FKBP9: variants seen among roughly 807,000 people sequenced by gnomAD.
FKBP9 encodes peptidyl-prolyl cis-trans isomerase FKBP9.
FKBP9 carries 27 observed loss-of-function variants against 55.6 expected under a neutral mutation model. The ratio of observed to expected loss-of-function variants is 0.49; its 90% confidence interval spans 0.36 to 0.67. The LOEUF is 0.67. Ranked by LOEUF, FKBP9 falls within the 30% of genes least tolerant of loss-of-function variation. The pLI, the probability that FKBP9 is intolerant of heterozygous loss-of-function variation, is 0.00. For missense variants in FKBP9, 539 were observed against 742.8 expected (o/e 0.73, Z 3.19); for synonymous variants, 267 against 296.5 (o/e 0.90, Z 1.02).
rs1784451804 is a variant in FKBP9 at position 32,980,424 on chromosome 7, A to T, written c.764A>T (p.Asn255Ile). 8 of 1,613,532 alleles carry T rather than the reference A, an allele frequency of 5.0e-6. No individual in the cohort carries two copies. Among genetic ancestry groups the T allele is most frequent in the Non-Finnish European group, 6.8e-6 (8 of 1,179,824 alleles). Reference sequence around the variant, plus strand: ...GATGTTGCATTATTGGACCTCCATAACCCCAAGGACAGCATTTCCATTGAG... The same window carrying T: ...GATGTTGCATTATTGGACCTCCATATCCCCAAGGACAGCATTTCCATTGAG... ...VFDVALLDLH[N>I]PKDSISIENK... Residue 255 changes from asparagine (N) to isoleucine (I), a missense_variant, in exon 5 of 10, where the codon AAC becomes ATC. Asn to Ile is a moderately radical substitution (Grantham distance 149, BLOSUM62 -3). Transcript: ENST00000242209.
chr7:32,975,158 C>T (rs3750113), intron 2 of FKBP9, 24 bp from the exon 3 acceptor site: 34,669 of 1,599,574 alleles, frequency 0.022, 1,669 homozygotes, highest in East Asian at 0.19. Context: ...ACTGTGAACT[C>T]AGTGTGTAAT....
rs1189526416 is a variant in FKBP9 at position 32,980,351 on chromosome 7, C to T, written c.704-13C>T. On this transcript the variant is annotated splice_polypyrimidine_tract_variant and intron_variant, in intron 4 of 9. Transcript: ENST00000242209. ...TGTGTCCCGTTTAATCATCTTCTCC[C>T]ATTCCATTCTAGGGAAAGACATTCC... 6.2e-7 allele frequency: 1 copy of T among 1,602,490 alleles called. No individual in the cohort carries two copies. The highest frequency in any genetic ancestry group is 1.1e-5 in the South Asian group (1 of 90,398).
At chr7:32,994,602 CCT>C (rs1359959706) in intron 6 of FKBP9, among the ~76,000 whole-genome samples, 3 of 151,556 alleles carry the variant, frequency 2.0e-5, no homozygotes, top group Non-Finnish European at 4.4e-5. Context: ...ACCAGCAGCC[CCT>C]GTTTTGAGTG....
intron 4 of FKBP9, among the ~76,000 whole-genome samples, chr7:32,977,394 C>A (rs1784380485): frequency 6.6e-6 from 1 of 152,204 alleles, no homozygotes; most frequent in Non-Finnish European, 1.5e-5. Context: ...CTACATCCTG[C>A]TGCACACTTA....
Position 32,996,280 on chromosome 7 carries a change from G to A in FKBP9, c.1157G>A (p.Ser386Asn). The A allele has an allele frequency of 1.2e-6, 2 of 1,614,098 alleles. No homozygotes were observed. Among genetic ancestry groups the A allele is most frequent in the African/African-American group, 1.3e-5 (1 of 75,044 alleles). Residue 386 changes from serine (S) to asparagine (N), a missense_variant, in exon 7 of 10, where the codon AGT becomes AAT. Ser to Asn is a conservative substitution (Grantham distance 46, BLOSUM62 1). This residue lies in a region of FKBP9 where 172 missense variants were observed against 205.3 expected (regional missense o/e 0.84). Coordinates refer to ENST00000242209, the MANE Select transcript of FKBP9 (RefSeq NM_007270.5). Reference protein sequence around the residue: ...HYKPPDCSVLSKKGDYLKYHY... With the variant: ...HYKPPDCSVLNKKGDYLKYHY... ...AAACCCCCTGACTGCTCAGTGCTGA[G>A]TAAGAAGGGAGATTACCTCAAATAT...
chr7:32,979,528 C>A (rs780403469), intron 4 of FKBP9: 10 of 1,550,428 alleles, frequency 6.4e-6, no homozygotes, highest in South Asian at 1.2e-5. Flanking sequence ...TCAGGCTTGG[C>A]GGCATCTGGT....
chr7:32,972,539 T>A (rs1164692510), intron 1 of FKBP9, among the ~76,000 whole-genome samples: 2 of 152,230 alleles, frequency 1.3e-5, no homozygotes, highest in Non-Finnish European at 2.9e-5. Flanking sequence ...TTTTATTACA[T>A]AATTAATTAC....
intron 1 of FKBP9, among the ~76,000 whole-genome samples, chr7:32,961,189 G>T (rs1198602471): frequency 1.6e-4 from 24 of 152,184 alleles, no homozygotes; most frequent in African/African-American, 5.3e-4. Context: ...GTATGGCAGG[G>T]ATAAGACCCA....
chr7:32,961,865 G>A lies in FKBP9; in HGVS notation c.221+4071G>A, dbSNP rs983836308. On this transcript the variant is annotated intron_variant, in intron 1 of 9. Transcript: ENST00000242209. ...ACTGTCTCCCATCACCCCTAGATGG[G>A]ACCATCTAGTTGCAGGAAAACAAGC... Among the ~76,000 whole-genome samples the A allele has an allele frequency of 8.5e-4, 129 of 152,032 alleles. 1 individual carries two copies. The highest frequency in any genetic ancestry group is 3.0e-3 in the African/African-American group (125 of 41,470).
At chr7:32,965,824 T>TATATATATATATATGTGTACAC (rs1784128131) in intron 1 of FKBP9, among the ~76,000 whole-genome samples, 4 of 18,218 alleles carry the variant, frequency 2.2e-4, no homozygotes, top group Admixed American at 8.2e-4. Flanking sequence ...TATATATATA[T>TATATATATATATATGTGTACAC]ATATATATAT....
intron 4 of FKBP9, among the ~76,000 whole-genome samples, chr7:32,978,709 G>T (rs1784410146): frequency 6.6e-6 from 1 of 152,128 alleles, no homozygotes; most frequent in African/African-American, 2.4e-5. Context: ...GCCCCAAGAA[G>T]TTCATTCACG....
chr7:32,979,613 A>T, intron 4 of FKBP9: 1 of 1,433,964 alleles, frequency 7.0e-7, no homozygotes, highest in Non-Finnish European at 9.6e-7. Flanking sequence ...TTGTTGGTTA[A>T]CTTTCTACTA....
At chr7:32,974,852 G>T (rs1784329499) in intron 2 of FKBP9, 90 bp downstream of exon 2, 1 of 1,251,154 alleles carries the variant, frequency 8.0e-7, no homozygotes, top group African/African-American at 1.5e-5. Context: ...GAGAATCTTG[G>T]AAGCTTTAGA....
chr7:32,965,880 T>TAG (rs1323513542), intron 1 of FKBP9, among the ~76,000 whole-genome samples: 12,038 of 102,362 alleles, frequency 0.12, 1,015 homozygotes, highest in Middle Eastern at 0.17. Flanking sequence ...TACATATATA[T>TAG]ATATAGAGAG....
intron 1 of FKBP9, among the ~76,000 whole-genome samples, chr7:32,972,125 G>A (rs1329393602): frequency 6.6e-6 from 1 of 152,142 alleles, no homozygotes; most frequent in Non-Finnish European, 1.5e-5. Flanking sequence ...CTGCCAGTTT[G>A]ATGATAGCTT....
At chr7:33,002,326 T>C (rs927746982) in intron 8 of FKBP9, among the ~76,000 whole-genome samples, 16 of 152,006 alleles carry the variant, frequency 1.1e-4, no homozygotes, top group Admixed American at 9.8e-4. Context: ...AGAGATGGAG[T>C]TTCACCATGT....
intron 6 of FKBP9, among the ~76,000 whole-genome samples, chr7:32,995,409 T>C (rs1784765985): frequency 6.6e-6 from 1 of 152,168 alleles, no homozygotes; most frequent in Non-Finnish European, 1.5e-5. Context: ...TATGTTTAAG[T>C]GTCCCCCACG....
chr7:32,991,297 G>A (rs1784677012), intron 6 of FKBP9, among the ~76,000 whole-genome samples: 1 of 151,984 alleles, frequency 6.6e-6, no homozygotes, highest in Non-Finnish European at 1.5e-5. Context: ...TCTGGGCAAT[G>A]AGACTCCTTC....
intron 6 of FKBP9, among the ~76,000 whole-genome samples, chr7:32,991,018 G>T (rs1226344799): frequency 5.9e-5 from 9 of 152,230 alleles, no homozygotes; most frequent in Admixed American, 5.9e-4. Flanking sequence ...CACACATCCT[G>T]CTTGTCTAGT....
Sources: allele counts gnomAD v4.1 joint callset (sites outside exome capture counted in the v4.1 genomes callset), GRCh38; gene constraint gnomAD v4.1.1; regional missense constraint gnomAD v4.1.1; transcripts MANE v1.5; gene names NCBI Gene and HGNC (gene_info 2026-07-23, HGNC 2026-07-21).